Variants in GPR158 observed in about 807,000 individuals in gnomAD.
The protein encoded by GPR158 is metabotropic glycine receptor.
In GPR158, 30 loss-of-function variants were observed where a neutral mutation model predicts 78.2. That is an observed-to-expected ratio of 0.38 (90% CI 0.29 to 0.52). GPR158 has a LOEUF of 0.52. Ranked by LOEUF, GPR158 falls within the 20% of genes least tolerant of loss-of-function variation. GPR158 has a pLI of 0.83. For missense variants in GPR158, 1,463 were observed against 1,523.5 expected, an observed-to-expected ratio of 0.96 and a Z score of 0.66; for synonymous variants, 581 against 591.1, an observed-to-expected ratio of 0.98 and a Z score of 0.25.
intron 7 of GPR158, among the ~76,000 whole-genome samples, chr10:25,588,657 T>C (rs1837301953): frequency 6.6e-6 from 1 of 152,220 alleles, no homozygotes; most frequent in Non-Finnish European, 1.5e-5. Context: ...TATTGTGACC[T>C]GAGTGTTCCA....
chr10:25,406,059 G>A (rs1256774549), intron 3 of GPR158, among the ~76,000 whole-genome samples: 4 of 152,132 alleles, frequency 2.6e-5, no homozygotes, highest in Non-Finnish European at 5.9e-5. Flanking sequence ...ATCACATACT[G>A]TTGACTCACC....
At chr10:25,557,336 T>C (rs962283240) in intron 6 of GPR158, among the ~76,000 whole-genome samples, 2 of 152,238 alleles carry the variant, frequency 1.3e-5, no homozygotes, top group African/African-American at 4.8e-5. Context: ...CTTCTCTTCC[T>C]TGGCATACTT....
At chr10:25,564,524 A>G (rs2130724613) in intron 6 of GPR158, among the ~76,000 whole-genome samples, 1 of 152,284 alleles carries the variant, frequency 6.6e-6, no homozygotes, top group African/African-American at 2.4e-5. Flanking sequence ...CAGCCCTAGG[A>G]AAATTAGCAG....
intron 6 of GPR158, among the ~76,000 whole-genome samples, chr10:25,559,840 T>A (rs1836838991): frequency 6.6e-6 from 1 of 152,250 alleles, no homozygotes; most frequent in Non-Finnish European, 1.5e-5. Context: ...GGAATCAGTC[T>A]GCACTAAAAA....
At chr10:25,321,311 G>A (rs931411160) in intron 2 of GPR158, among the ~76,000 whole-genome samples, 2 of 152,162 alleles carry the variant, frequency 1.3e-5, no homozygotes, top group African/African-American at 2.4e-5. Flanking sequence ...GATATATTGG[G>A]ATTTATATTT....
intron 9 of GPR158, among the ~76,000 whole-genome samples, chr10:25,596,330 A>G (rs1369706746): frequency 6.6e-6 from 1 of 152,096 alleles, no homozygotes; most frequent in African/African-American, 2.4e-5. Context: ...GTGGAAGAGT[A>G]AAGTAAAGAT....
At chr10:25,256,829 A>G (rs1247051573) in intron 2 of GPR158, among the ~76,000 whole-genome samples, 1 of 152,238 alleles carries the variant, frequency 6.6e-6, no homozygotes, top group Non-Finnish European at 1.5e-5. Context: ...ATTAGTAAAT[A>G]TATTACAGTT....
At chr10:25,596,575 A>T in intron 9 of GPR158, 68 bp from the exon 10 acceptor site, 1 of 1,084,510 alleles carries the variant, frequency 9.2e-7, no homozygotes, top group Non-Finnish European at 1.4e-6. Flanking sequence ...AGGTATAGAT[A>T]TAGATATAGA....
chr10:25,550,541 AGAGGT>A (rs1231667018), intron 5 of GPR158, among the ~76,000 whole-genome samples: 1 of 152,090 alleles, frequency 6.6e-6, no homozygotes, highest in East Asian at 1.9e-4. Flanking sequence ...GACAATAAGG[AGAGGT>A]AAGTTTGGAC....
intron 5 of GPR158, among the ~76,000 whole-genome samples, chr10:25,488,711 T>C (rs1295247399): frequency 1.1e-3 from 172 of 152,240 alleles, no homozygotes; most frequent in Non-Finnish European, 1.5e-4. Flanking sequence ...AATTATGTAA[T>C]AGATGTGATT....
intron 2 of GPR158, among the ~76,000 whole-genome samples, chr10:25,344,900 A>C (rs1451948119): frequency 2.0e-5 from 3 of 151,992 alleles, no homozygotes; most frequent in African/African-American, 7.2e-5. Flanking sequence ...TTTTCATAAA[A>C]AGTGACTTCT....
intron 4 of GPR158, among the ~76,000 whole-genome samples, chr10:25,442,878 T>G (rs929465998): frequency 1.3e-5 from 2 of 152,156 alleles, no homozygotes; most frequent in Non-Finnish European, 2.9e-5. Context: ...CCTCCTTCAA[T>G]TTATTCTTCA....
chr10:25,380,290 T>C (rs1225086809), intron 2 of GPR158, among the ~76,000 whole-genome samples: 1 of 152,182 alleles, frequency 6.6e-6, no homozygotes, highest in African/African-American at 2.4e-5. Context: ...GAATTTTACG[T>C]TGATCACTGT....
intron 5 of GPR158, among the ~76,000 whole-genome samples, chr10:25,521,559 A>G (rs895868937): frequency 6.6e-6 from 1 of 152,124 alleles, no homozygotes; most frequent in African/African-American, 2.4e-5. Flanking sequence ...GTTTGGATCC[A>G]TTGCTGGTGA....
At chr10:25,579,663 C>T (rs746136977) in intron 7 of GPR158, among the ~76,000 whole-genome samples, 2 of 152,180 alleles carry the variant, frequency 1.3e-5, no homozygotes, top group Admixed American at 1.3e-4. Flanking sequence ...ATGATAGCAT[C>T]GAGGACATTT....
chr10:25,594,031 A>T (rs924663348), intron 8 of GPR158, among the ~76,000 whole-genome samples: 3 of 152,076 alleles, frequency 2.0e-5, no homozygotes, highest in African/African-American at 7.2e-5. Flanking sequence ...CACTTTACAT[A>T]CAAAATAATA....
At chr10:25,377,338 A>C (rs956368081) in intron 2 of GPR158, among the ~76,000 whole-genome samples, 9 of 151,924 alleles carry the variant, frequency 5.9e-5, no homozygotes, top group Admixed American at 5.9e-4. Context: ...GTTTTCAAGG[A>C]AATGTCTTCT....
Position 25,462,676 on chromosome 10 carries a change from C to T in GPR158, c.1336-3975C>T, listed in dbSNP as rs867726618. Among the ~76,000 whole-genome samples the T allele has an allele frequency of 6.0e-4, 92 of 152,248 alleles. 1 individual carries two copies. The highest frequency in any genetic ancestry group is 3.5e-3 in the Admixed American group (53 of 15,280). On this transcript the variant is annotated intron_variant, in intron 4 of 10. Transcript: ENST00000376351. Reference sequence around the variant, plus strand: ...CTAACCCTCATGGATGACTTTGAGGCGTTCAAGACTTCAGTGAAGAAACTA... The same window carrying T: ...CTAACCCTCATGGATGACTTTGAGGTGTTCAAGACTTCAGTGAAGAAACTA...
intron 5 of GPR158, among the ~76,000 whole-genome samples, chr10:25,482,590 G>A (rs1835676290): frequency 6.6e-6 from 1 of 151,960 alleles, no homozygotes; most frequent in Non-Finnish European, 1.5e-5. Context: ...CTTCCTTTTG[G>A]TACAGCTATA....
Sources: allele counts gnomAD v4.1 joint callset (sites outside exome capture counted in the v4.1 genomes callset), GRCh38; gene constraint gnomAD v4.1.1; transcripts MANE v1.5; gene names NCBI Gene and HGNC (gene_info 2026-07-23, HGNC 2026-07-21).